The following CNTN4 variants were observed in gnomAD, a reference collection of about 807,000 sequenced individuals.
The protein encoded by CNTN4 is contactin 4.
A neutral mutation model predicts 122.5 loss-of-function variants in CNTN4; 77 were observed. The ratio of observed to expected loss-of-function variants is 0.63; its 90% CI spans 0.52 to 0.76. The LOEUF is 0.76. Among genes scored for constraint, CNTN4 ranks in the 30% least tolerant of loss-of-function variants. The pLI is 0.00. For missense variants in CNTN4, 1,256 were observed against 1,259.1 expected (o/e 1.00, Z 0.04); for synonymous variants, 512 against 447.0 (o/e 1.15, Z -1.83).
chr3:2,525,804 G>T (rs1026018709), intron 3 of CNTN4, among the ~76,000 whole-genome samples: 3 of 152,104 alleles, frequency 2.0e-5, no homozygotes, highest in African/African-American at 7.2e-5. Flanking sequence ...GAAGGAAATG[G>T]TTGATTAAAT....
At chr3:2,516,785 C>A (rs1394297235) in intron 3 of CNTN4, among the ~76,000 whole-genome samples, 1 of 152,076 alleles carries the variant, frequency 6.6e-6, no homozygotes, top group Admixed American at 6.6e-5. Context: ...CAGGGCTATA[C>A]ATTCTGAAGA....
intron 4 of CNTN4, chr3:2,629,498 A>C (rs753455523): frequency 2.4e-6 from 1 of 417,984 alleles, no homozygotes; most frequent in South Asian, 1.7e-5. Flanking sequence ...TCTAGTGAAG[A>C]ATTTTACCCT....
intron 2 of CNTN4, among the ~76,000 whole-genome samples, chr3:2,217,551 C>T (rs527922841): frequency 6.6e-6 from 1 of 152,274 alleles, no homozygotes; most frequent in African/African-American, 2.4e-5. Context: ...TTCAGGAGTA[C>T]AAGATATTCC....
chr3:2,840,511 T>C (rs923234942), intron 7 of CNTN4, among the ~76,000 whole-genome samples: 6 of 126,576 alleles, frequency 4.7e-5, no homozygotes, highest in African/African-American at 8.2e-5. Flanking sequence ...CCATCCTGGC[T>C]AACACGGTGA....
intron 14 of CNTN4, among the ~76,000 whole-genome samples, chr3:3,009,526 C>T (rs9872764): frequency 0.61 from 91,951 of 149,720 alleles, 28,696 homozygotes; most frequent in Middle Eastern, 0.72. Context: ...CTCCGCCCCC[C>T]GGGTTCCCGC....
intron 19 of CNTN4, 91 bp from the exon 20 acceptor site, chr3:3,039,946 T>A: frequency 1.2e-6 from 1 of 860,890 alleles, no homozygotes; most frequent in South Asian, 1.4e-5. Flanking sequence ...GAGAAGGATG[T>A]AGACAAGAAT....
intron 4 of CNTN4, among the ~76,000 whole-genome samples, chr3:2,719,139 A>G (rs553202430): frequency 6.6e-6 from 1 of 152,316 alleles, no homozygotes; most frequent in African/African-American, 2.4e-5. Flanking sequence ...GACCTTGTCA[A>G]TCTTTTTTCA....
At chr3:2,719,225 TA>T (rs1321656969) in intron 4 of CNTN4, among the ~76,000 whole-genome samples, 1 of 152,100 alleles carries the variant, frequency 6.6e-6, no homozygotes, top group Non-Finnish European at 1.5e-5. Context: ...AATGAATGAT[TA>T]AGGAACAATT....
At chr3:2,652,918 A>G (rs1451694469) in intron 4 of CNTN4, among the ~76,000 whole-genome samples, 3 of 152,124 alleles carry the variant, frequency 2.0e-5, no homozygotes, top group African/African-American at 7.2e-5. Context: ...AAGTGCTTGT[A>G]AATCCTTGTC....
At chr3:2,485,812 A>G (rs1407251334) in intron 3 of CNTN4, among the ~76,000 whole-genome samples, 1 of 152,136 alleles carries the variant, frequency 6.6e-6, no homozygotes. Flanking sequence ...TGTCTAGCTC[A>G]GGGATTATAA....
chr3:2,843,612 G>A (rs1484169016), intron 7 of CNTN4, among the ~76,000 whole-genome samples: 2 of 152,196 alleles, frequency 1.3e-5, no homozygotes, highest in African/African-American at 4.8e-5. Context: ...ACAACAGTGA[G>A]TTCTCGTGAA....
intron 5 of CNTN4, among the ~76,000 whole-genome samples, chr3:2,739,011 C>A (rs927968228): frequency 1.3e-5 from 2 of 152,000 alleles, no homozygotes; most frequent in Non-Finnish European, 1.5e-5. Context: ...GTAAGGGATT[C>A]ATATCCAGAC....
intron 6 of CNTN4, among the ~76,000 whole-genome samples, chr3:2,751,692 C>A (rs1391909188): frequency 6.6e-6 from 1 of 152,078 alleles, no homozygotes; most frequent in African/African-American, 2.4e-5. Flanking sequence ...CCCACTTTTG[C>A]AGCCCAGCAT....
intron 4 of CNTN4, among the ~76,000 whole-genome samples, chr3:2,734,869 G>T (rs2088966529): frequency 6.6e-6 from 1 of 152,130 alleles, no homozygotes; most frequent in African/African-American, 2.4e-5. Flanking sequence ...CATATAAGGG[G>T]ACTGCCAGTT....
rs554837931 is a variant in CNTN4, at chr3:2,948,607, T to C, written c.1358+22828T>C. Among the ~76,000 whole-genome samples the C allele has an allele frequency of 2.5e-3, 380 of 152,292 alleles. 3 individuals are homozygous for C. Among genetic ancestry groups the C allele is most frequent in the African/African-American group, 8.6e-3 (359 of 41,566 alleles). On this transcript the variant is annotated intron_variant, in intron 13 of 24. Coordinates refer to ENST00000418658, the MANE Select transcript of CNTN4 (RefSeq NM_175607.3). ...AAAAAATATTTTTCTGTCTTTTTTC[T>C]TCTCTTGTTAATCTATTTGTTTATT... is the stretch of plus-strand genomic sequence containing the variant.
Position 2,197,068 on chromosome 3 carries a change from A to AAAG in CNTN4, c.-145+96441_-145+96443dup, listed in dbSNP as rs1553600656. On this transcript the variant is annotated intron_variant, in intron 2 of 24. Coordinates refer to ENST00000418658, the MANE Select transcript of CNTN4 (RefSeq NM_175607.3). The stretch of plus-strand genomic sequence containing the variant: ...CTCACCAGAAAAAAAAAAAAAAAAA[A>AAAG]AAGAAGAAGAAGAAATGCCTGGACT... 9.2e-3 allele frequency among the ~76,000 whole-genome samples: 1,284 copies of AAAG among 139,528 alleles called. 60 individuals carry two copies. Among genetic ancestry groups the AAAG allele is most frequent in the East Asian group, 0.017 (78 of 4,478 alleles). The allele number at this position is 139,528 out of a possible 152,430, so 91.5% of individuals were successfully genotyped here.
rs1401434051 is a variant in CNTN4, at chr3:2,451,327, T to C, written c.-89+112094T>C. Reference sequence around the variant, plus strand: ...TTTTTAGAGCTTCTATTAATGTCTTTTGTAGGATTATACAATCTGGGGCAT... The same window carrying C: ...TTTTTAGAGCTTCTATTAATGTCTTCTGTAGGATTATACAATCTGGGGCAT... On this transcript the variant is annotated intron_variant, in intron 3 of 24. Coordinates refer to ENST00000418658, the MANE Select transcript of CNTN4 (RefSeq NM_175607.3). 2.0e-5 allele frequency among the ~76,000 whole-genome samples: 3 copies of C among 152,052 alleles called. 1 individual carries two copies. The East Asian group carries it at 5.8e-4, about 29-fold the overall frequency.
At chr3:2,676,297 C>A (rs1361452629) in intron 4 of CNTN4, among the ~76,000 whole-genome samples, 1 of 151,996 alleles carries the variant, frequency 6.6e-6, no homozygotes, top group African/African-American at 2.4e-5. Context: ...CTTTGGGTCA[C>A]TGCGACCTCC....
chr3:2,795,800 G>A lies in CNTN4; in HGVS notation c.359-23686G>A, dbSNP rs570657407. Among the ~76,000 whole-genome samples the A allele has an allele frequency of 3.5e-4, 53 of 151,970 alleles. 1 individual carries two copies. Among genetic ancestry groups the A allele is most frequent in the South Asian group, 2.1e-4 (1 of 4,818 alleles). On this transcript the variant is annotated intron_variant, in intron 6 of 24. Coordinates refer to ENST00000418658, the MANE Select transcript of CNTN4 (RefSeq NM_175607.3). ...CTCCCAAAGTGCTGGGATTACAGAC[G>A]TGAGCCACCACGCCCAGCCACAAAT...
Sources: gnomAD v4.1 joint callset for allele counts (sites outside exome capture counted in the v4.1 genomes callset) on GRCh38, gnomAD v4.1.1 for gene constraint, MANE v1.5 for transcripts, NCBI Gene and HGNC (gene_info 2026-07-23, HGNC 2026-07-21) for gene names.